Variants in ENTPD4 observed in about 807,000 individuals in gnomAD.
ENTPD4 encodes ectonucleoside triphosphate diphosphohydrolase 4, also known as Golgi UDPase.
In ENTPD4, 60 loss-of-function variants were observed where a neutral mutation model predicts 79.1. The ratio of observed to expected loss-of-function variants is 0.76; its 90% CI spans 0.62 to 0.94. The LOEUF is 0.94. Ranked by LOEUF, ENTPD4 falls within the 40% of genes least tolerant of loss-of-function variation. ENTPD4 has a pLI of 0.00. For synonymous variants in ENTPD4, 276 were observed against 292.0 expected (o/e 0.95, Z 0.56); for missense variants, 772 against 775.1 (o/e 1.00, Z 0.05).
intron 4 of ENTPD4, among the ~76,000 whole-genome samples, chr8:23,447,196 C>A (rs1327358088): frequency 6.6e-6 from 1 of 152,194 alleles, no homozygotes; most frequent in Non-Finnish European, 1.5e-5. Context: ...TCTTTAAAAA[C>A]TATACATAAT....
rs1454177520 is a variant in ENTPD4, at chr8:23,437,175, T to G, written c.1133A>C (p.Gln378Pro). 6.2e-7 allele frequency: 1 copy of G among 1,614,224 alleles called. No individual in the cohort carries two copies. Among genetic ancestry groups the G allele is most frequent in the Non-Finnish European group, 8.5e-7 (1 of 1,180,028 alleles). ...CLPLDIKDEI[Q>P]QNGQTIYLRG... Reference sequence around the variant, plus strand: ...TAGGTATATGGTTTGTCCATTTTGCTGGATTTCATCTTTAATGTCTAGGGG... The same window carrying G: ...TAGGTATATGGTTTGTCCATTTTGCGGGATTTCATCTTTAATGTCTAGGGG... Residue 378 changes from glutamine to proline, a missense_variant, in exon 10 of 13, where the codon CAG (glutamine) becomes CCG (proline). Physicochemically the swap from Gln to Pro is moderately conservative, Grantham distance 76. Transcript: ENST00000358689.
At position 23,432,611 on chromosome 8, in the gene ENTPD4, G is replaced by A. The variant is rs189128330; in HGVS notation, c.*315C>T. 1.5e-6 allele frequency: 1 copy of A among 656,536 alleles called. No individual in the cohort carries two copies. The highest frequency in any genetic ancestry group is 5.1e-5 in the Admixed American group (1 of 19,788). 40.7% of individuals were successfully genotyped at this position (656,536 alleles called of 1,614,324 possible). A position where few individuals can be genotyped will look rare whatever the true frequency, so the allele number is the denominator to read the frequency against. ...CCTCCCAGGTTCATGCCATTCTCCTGCCTCAGCCTCCTGAGTAGCTGGGAC... is the reference window on the plus strand; with the variant it reads ...CCTCCCAGGTTCATGCCATTCTCCTACCTCAGCCTCCTGAGTAGCTGGGAC... On this transcript the variant is annotated 3_prime_UTR_variant, in exon 13 of 13. Transcript: ENST00000358689.
At position 23,434,309 on chromosome 8, in the gene ENTPD4, A is replaced by C; in HGVS notation, c.1622+8T>G. On this transcript the variant is annotated splice_region_variant and intron_variant, in intron 12 of 12. Transcript: ENST00000358689. ...TTTTGATTCTCGTTCCCAAATTCACAGCCCTACCTTAATGGTAGAAAGCGG... is the reference window on the plus strand; with the variant it reads ...TTTTGATTCTCGTTCCCAAATTCACCGCCCTACCTTAATGGTAGAAAGCGG... The C allele has an allele frequency of 1.2e-6, 2 of 1,609,966 alleles. No homozygotes were observed. Among genetic ancestry groups the C allele is most frequent in the Non-Finnish European group, 1.7e-6 (2 of 1,177,108 alleles).
In ENTPD4 at chr8:23,429,703, G is replaced by C. The variant is rs1413166182; in HGVS notation, c.*3223C>G. 3.5e-5 allele frequency: 34 copies of C among 985,306 alleles called. No individual in the cohort carries two copies. Among genetic ancestry groups the C allele is most frequent in the Non-Finnish European group, 3.9e-5 (32 of 829,930 alleles). 61.0% of individuals were successfully genotyped at this position (985,306 alleles called of 1,614,324 possible). A position where few individuals can be genotyped will look rare whatever the true frequency, so the allele number is the denominator to read the frequency against. On this transcript the variant is annotated 3_prime_UTR_variant, in exon 13 of 13. Transcript: ENST00000358689. ...ATGTGGAAAACTGGTGGTGAAAAGA[G>C]GGACCTACCCAGCCTTCAGGGTGGC...
chr8:23,454,985 GTT>G (rs1449956302), intron 1 of ENTPD4, among the ~76,000 whole-genome samples: 1 of 152,162 alleles, frequency 6.6e-6, no homozygotes, highest in African/African-American at 2.4e-5. Flanking sequence ...AAACTGACAT[GTT>G]TTAAAAAAGC....
chr8:23,444,699 T>G (rs1800735589), intron 4 of ENTPD4, 93 bp from the exon 5 acceptor site: 1 of 1,053,004 alleles, frequency 9.5e-7, no homozygotes, highest in Non-Finnish European at 1.4e-6. Context: ...GAAATCATGC[T>G]ACACATTACA....
Position 23,430,094 on chromosome 8 carries a change from G to A in ENTPD4, c.*2832C>T, listed in dbSNP as rs541257540. The A allele has an allele frequency of 1.0e-6, 1 of 985,380 alleles. No individual in the cohort carries two copies. Among genetic ancestry groups the A allele is most frequent in the South Asian group, 4.7e-5 (1 of 21,280 alleles). The allele number at this position is 985,380 out of a possible 1,614,324, so 61.0% of individuals were successfully genotyped here. A position where few individuals can be genotyped will look rare whatever the true frequency, so the allele number is the denominator to read the frequency against. On this transcript the variant is annotated 3_prime_UTR_variant, in exon 13 of 13. Coordinates refer to ENST00000358689, the MANE Select transcript of ENTPD4 (RefSeq NM_004901.5). ...TTTACTGCCTTCTTGGTCAGCTCTT[G>A]GTATGAATTCTTCTCTTGAATTAAG...
chr8:23,447,776 A>G lies in ENTPD4; in HGVS notation c.316T>C (p.Cys106Arg). The G allele has an allele frequency of 6.2e-7, 1 of 1,614,236 alleles. No individual in the cohort carries two copies. The highest frequency in any genetic ancestry group is 8.5e-7 in the Non-Finnish European group (1 of 1,180,020). ...GGATTGCCATTATGCCTTGGCCAGC[A>G]GTAAACAAATACTCGAGACCCACTG... ...GSSGSRVFVY[C>R]WPRHNGNPHD... The change falls in exon 4 of 13, where the codon TGC becomes CGC. Residue 106 changes from cysteine (C) to arginine (R), a missense_variant. Transcript: ENST00000358689.
At chr8:23,444,433 C>G (rs1397204368) in intron 5 of ENTPD4, 23 bp downstream of exon 5, 10 of 1,609,816 alleles carry the variant, frequency 6.2e-6, no homozygotes, top group African/African-American at 1.3e-5. Flanking sequence ...CACCCTCACC[C>G]TTGCCCTTCT....
intron 1 of ENTPD4, among the ~76,000 whole-genome samples, chr8:23,452,691 CGTA>C (rs1800886397): frequency 6.6e-6 from 1 of 152,196 alleles, no homozygotes; most frequent in African/African-American, 2.4e-5. Flanking sequence ...ACCCCTCCTA[CGTA>C]CCCTAGGCTC....
chr8:23,434,933 A>G (rs1404740756), intron 11 of ENTPD4, among the ~76,000 whole-genome samples: 1 of 152,234 alleles, frequency 6.6e-6, no homozygotes, highest in Non-Finnish European at 1.5e-5. Flanking sequence ...AAGTAATAAG[A>G]TACAATAATT....
Position 23,444,504 on chromosome 8 carries a change from G to T in ENTPD4, c.515C>A (p.Thr172Lys). Residue 172 changes from threonine to lysine, a missense_variant, in exon 5 of 13, where the codon ACA (threonine) becomes AAA (lysine). Physicochemically the swap from Thr to Lys is moderately conservative, Grantham distance 78. Coordinates refer to ENST00000358689, the MANE Select transcript of ENTPD4 (RefSeq NM_004901.5). ...AGCCGTGCAGAGAATGTAGAGAGGT[G>T]TCTCTTTGTGTTTTGCCCGTGGCAC... ...EHVPRAKHKE[T>K]PLYILCTAGM... The T allele has an allele frequency of 6.2e-7, 1 of 1,614,160 alleles. No homozygotes were observed. Among genetic ancestry groups the T allele is most frequent in the Non-Finnish European group, 8.5e-7 (1 of 1,180,012 alleles).
chr8:23,435,264 C>A, intron 11 of ENTPD4, 128 bp downstream of exon 11: 1 of 649,160 alleles, frequency 1.5e-6, no homozygotes, highest in South Asian at 1.9e-5. Flanking sequence ...TTGAAAGGGG[C>A]CCAGGGTAGA....
At chr8:23,441,831 C>A (rs1800677087) in intron 7 of ENTPD4, 108 bp from the exon 8 acceptor site, 9 of 1,312,484 alleles carry the variant, frequency 6.9e-6, no homozygotes, top group Admixed American at 4.1e-5. Context: ...TTCAGGCAAA[C>A]CCAGTCTACT....
chr8:23,444,396 G>A (rs1265195855), intron 5 of ENTPD4, 60 bp downstream of exon 5: 2 of 1,455,628 alleles, frequency 1.4e-6, no homozygotes, highest in African/African-American at 1.4e-5. Flanking sequence ...AGGGGGAGAA[G>A]AACACCCCCT....
chr8:23,433,791 C>T (rs1351306181), intron 12 of ENTPD4, among the ~76,000 whole-genome samples: 3 of 152,160 alleles, frequency 2.0e-5, no homozygotes, highest in Admixed American at 6.5e-5. Context: ...ATCATCAATG[C>T]CTCAAAATAT....
At chr8:23,440,035 A>T (rs1263188137) in intron 8 of ENTPD4, 120 bp from the exon 9 acceptor site, 2 of 753,562 alleles carry the variant, frequency 2.7e-6, no homozygotes, top group Non-Finnish European at 4.3e-6. Context: ...TGCACTTCCC[A>T]AGGACCCTTC....
chr8:23,439,639 A>G, intron 9 of ENTPD4, 110 bp downstream of exon 9: 1 of 962,520 alleles, frequency 1.0e-6, no homozygotes, highest in Admixed American at 2.1e-5. Flanking sequence ...AAAAGCTAAC[A>G]GTGCAACACA....
rs376406097 is a variant in ENTPD4, at chr8:23,431,414, C to G, written c.*1512G>C. 3.0e-6 allele frequency: 3 copies of G among 985,242 alleles called. No individual in the cohort carries two copies. The highest frequency in any genetic ancestry group is 6.2e-5 in the Admixed American group (1 of 16,254). 61.0% of individuals were successfully genotyped at this position (985,242 alleles called of 1,614,324 possible). On this transcript the variant is annotated 3_prime_UTR_variant, in exon 13 of 13. Transcript: ENST00000358689. ...ACAAACTCCACCTAAAAAAACTGTA[C>G]GAGAATTCCCCAAACTTCTCAACTA...
Sources: gnomAD v4.1 joint callset for allele counts (sites outside exome capture counted in the v4.1 genomes callset) on GRCh38, gnomAD v4.1.1 for gene constraint, MANE v1.5 for transcripts, NCBI Gene and HGNC (gene_info 2026-07-23, HGNC 2026-07-21) for gene names.